Variants in SUGCT observed in about 807,000 individuals in gnomAD.
SUGCT encodes succinyl-CoA:glutarate-CoA transferase.
Under a neutral mutation model 55.0 loss-of-function variants are expected in SUGCT, and 41 were observed. That is an observed-to-expected ratio of 0.74 (90% CI 0.58 to 0.97). The LOEUF (loss-of-function observed/expected upper bound fraction) is 0.97, where lower values mean the gene tolerates loss of function less well. Among genes scored for constraint, SUGCT ranks in the 50% least tolerant of loss-of-function variants. SUGCT has a pLI of 0.00. For missense variants in SUGCT, 568 were observed against 547.8 expected (o/e 1.04, Z -0.37); for synonymous variants, 187 against 200.4 (o/e 0.93, Z 0.56).
rs554287915 is a variant in SUGCT at position 40,466,210 on chromosome 7, A to G, written c.986+7012A>G. 1.6e-3 allele frequency among the ~76,000 whole-genome samples: 251 copies of G among 152,248 alleles called. 2 individuals are homozygous for G. The highest frequency in any genetic ancestry group is 3.3e-3 in the East Asian group (17 of 5,178). Reference sequence around the variant, plus strand: ...CTCTGAGTCACTATGCCTGGCTTCTATAGCTTGAAGGATAAAGTTCAAACC... The same window carrying G: ...CTCTGAGTCACTATGCCTGGCTTCTGTAGCTTGAAGGATAAAGTTCAAACC... On this transcript the variant is annotated intron_variant, in intron 11 of 13. Coordinates refer to ENST00000335693, the MANE Select transcript of SUGCT (RefSeq NM_001193313.2).
intron 1 of SUGCT, among the ~76,000 whole-genome samples, chr7:40,156,345 C>T (rs975358044): frequency 1.3e-5 from 2 of 152,022 alleles, no homozygotes; most frequent in East Asian, 2.0e-4. Flanking sequence ...CACCTGTAGT[C>T]GCAGCTACTC....
At position 40,317,823 on chromosome 7, in the gene SUGCT, G is replaced by C. The variant is rs1036233619; in HGVS notation, c.816+968G>C. ...TTTGAGGAAAGCACTGACCCAATAT[G>C]AACCTGGGATTCTTCCCTCTCTGTT... On this transcript the variant is annotated intron_variant, in intron 9 of 13. Coordinates refer to ENST00000335693, the MANE Select transcript of SUGCT (RefSeq NM_001193313.2). Among the ~76,000 whole-genome samples the C allele has an allele frequency of 2.6e-5, 4 of 152,114 alleles. No individual in the cohort carries two copies. In the South Asian group the frequency reaches 8.3e-4, roughly 32 times the overall value.
chr7:40,620,040 A>G (rs557221385), intron 12 of SUGCT, among the ~76,000 whole-genome samples: 3 of 152,190 alleles, frequency 2.0e-5, no homozygotes, highest in Non-Finnish European at 4.4e-5. Flanking sequence ...CCAGTGTCCA[A>G]TTTCCATACT....
chr7:40,933,539 G>A, the SUGCT span, among the ~76,000 whole-genome samples: 2 of 152,130 alleles, frequency 1.3e-5, no homozygotes, highest in East Asian at 1.9e-4. Flanking sequence ...TTCCAACTTG[G>A]TTCCATTCTT....
intron 8 of SUGCT, among the ~76,000 whole-genome samples, chr7:40,276,033 T>G (rs1263428679): frequency 6.6e-6 from 1 of 152,170 alleles, no homozygotes; most frequent in African/African-American, 2.4e-5. Flanking sequence ...CATGGGAAAA[T>G]AGTAAACTTG....
chr7:40,306,786 C>G (rs1177653395), intron 8 of SUGCT, among the ~76,000 whole-genome samples: 1 of 152,182 alleles, frequency 6.6e-6, no homozygotes, highest in Non-Finnish European at 1.5e-5. Context: ...TTGTTCATAA[C>G]CACTCTTTGA....
At chr7:40,366,378 C>G (rs928543218) in intron 9 of SUGCT, among the ~76,000 whole-genome samples, 3 of 152,036 alleles carry the variant, frequency 2.0e-5, no homozygotes, top group Non-Finnish European at 4.4e-5. Context: ...TCTAAAACAC[C>G]AAAAGCAATG....
At chr7:40,807,985 G>C (rs1791199582) in intron 13 of SUGCT, among the ~76,000 whole-genome samples, 1 of 152,092 alleles carries the variant, frequency 6.6e-6, no homozygotes, top group Non-Finnish European at 1.5e-5. Context: ...GATTGAGGGT[G>C]GGTGGGTCTG....
chr7:40,489,728 CAA>C (rs993456813), intron 11 of SUGCT, among the ~76,000 whole-genome samples: 14 of 151,792 alleles, frequency 9.2e-5, no homozygotes, highest in African/African-American at 3.1e-4. Context: ...CAGAACAAAA[CAA>C]AAAACACACA....
intron 7 of SUGCT, among the ~76,000 whole-genome samples, chr7:40,244,129 C>T (rs1282224911): frequency 1.2e-4 from 19 of 152,076 alleles, no homozygotes; most frequent in East Asian, 1.9e-4. Flanking sequence ...GCCCAGATTG[C>T]GCCACTGCAC....
At chr7:40,685,912 T>G (rs964204250) in intron 12 of SUGCT, among the ~76,000 whole-genome samples, 2 of 152,182 alleles carry the variant, frequency 1.3e-5, no homozygotes, top group East Asian at 3.9e-4. Context: ...TTTCTTATAT[T>G]AATTCTTTGA....
intron 9 of SUGCT, among the ~76,000 whole-genome samples, chr7:40,386,262 T>G (rs1785123656): frequency 6.6e-6 from 1 of 152,196 alleles, no homozygotes; most frequent in East Asian, 1.9e-4. Context: ...AAAGCACATC[T>G]TCTCAATAAA....
At chr7:40,243,886 G>A (rs533538742) in intron 7 of SUGCT, among the ~76,000 whole-genome samples, 1 of 152,222 alleles carries the variant, frequency 6.6e-6, no homozygotes, top group South Asian at 2.1e-4. Flanking sequence ...ACTTGATGAT[G>A]TATAGGCAGA....
At chr7:40,797,716 AC>A (rs138766700) in intron 13 of SUGCT, among the ~76,000 whole-genome samples, 5 of 151,800 alleles carry the variant, frequency 3.3e-5, no homozygotes, top group South Asian at 2.1e-4. Context: ...AAAAGCATGA[AC>A]CCCCCCCAAA....
the SUGCT span, among the ~76,000 whole-genome samples, chr7:40,892,873 G>A: frequency 6.6e-6 from 1 of 152,128 alleles, no homozygotes; most frequent in Non-Finnish European, 1.5e-5. Context: ...TGACAGAATG[G>A]CTGAATAGAT....
intron 8 of SUGCT, among the ~76,000 whole-genome samples, chr7:40,276,596 T>TATTATTTAGATGA (rs1471867823): frequency 2.6e-5 from 4 of 152,202 alleles, no homozygotes; most frequent in Non-Finnish European, 4.4e-5. Flanking sequence ...AAGAGTATTG[T>TATTATTTAGATGA]ATTATTTAGA....
chr7:40,878,436 A>C, the SUGCT span, among the ~76,000 whole-genome samples: 2 of 152,138 alleles, frequency 1.3e-5, no homozygotes, highest in South Asian at 4.2e-4. Flanking sequence ...GACAGGGCTG[A>C]TTGTCTGGTA....
intron 9 of SUGCT, among the ~76,000 whole-genome samples, chr7:40,404,500 C>G (rs551415947): frequency 6.6e-6 from 1 of 151,718 alleles, no homozygotes; most frequent in Non-Finnish European, 1.5e-5. Context: ...TGCAGTGGCA[C>G]GATCTCGGCT....
chr7:40,812,308 C>T (rs1791462086), intron 13 of SUGCT, among the ~76,000 whole-genome samples: 1 of 152,046 alleles, frequency 6.6e-6, no homozygotes, highest in South Asian at 2.1e-4. Flanking sequence ...ACCATCTCTT[C>T]TTTGTACATC....
Sources: allele counts gnomAD v4.1 joint callset (sites outside exome capture counted in the v4.1 genomes callset), GRCh38; gene constraint gnomAD v4.1.1; transcripts MANE v1.5; gene names NCBI Gene and HGNC (gene_info 2026-07-23, HGNC 2026-07-21).